DRC10: variants seen among roughly 807,000 people sequenced by gnomAD.
DRC10 encodes the protein dynein regulatory complex subunit 10.
At chr12:113,198,852 C>T in the DRC10 span, among the ~76,000 whole-genome samples, 4 of 152,000 alleles carry the variant, frequency 2.6e-5, no homozygotes, top group African/African-American at 7.2e-5. Flanking sequence ...TGGGAGGCCA[C>T]GGTGGGAATG....
the DRC10 span, among the ~76,000 whole-genome samples, chr12:113,205,631 A>T: frequency 0.1 from 15,425 of 149,934 alleles, 878 homozygotes; most frequent in East Asian, 0.21. Flanking sequence ...GGCTCATGCC[A>T]GTAATCCCAG....
chr12:113,216,073 T>C, the DRC10 span, among the ~76,000 whole-genome samples: 4 of 152,212 alleles, frequency 2.6e-5, no homozygotes, highest in African/African-American at 9.7e-5. Context: ...AAAAAGCTTA[T>C]GGATATTTAT....
At chr12:113,198,738 T>C in the DRC10 span, among the ~76,000 whole-genome samples, 1 of 152,184 alleles carries the variant, frequency 6.6e-6, no homozygotes, top group Non-Finnish European at 1.5e-5. Context: ...ATCGTGAATA[T>C]ACTAAATGCC....
chr12:113,205,725 TA>T, the DRC10 span, among the ~76,000 whole-genome samples: 1 of 144,496 alleles, frequency 6.9e-6, no homozygotes, highest in Non-Finnish European at 1.5e-5. Flanking sequence ...CCGTCTCTAC[TA>T]AAAATACAAA....
the DRC10 span, among the ~76,000 whole-genome samples, chr12:113,218,355 G>T: frequency 3.3e-5 from 5 of 151,986 alleles, no homozygotes; most frequent in African/African-American, 1.2e-4. Flanking sequence ...TGTTGGTCAG[G>T]CTGGTCTCAA....
At chr12:113,208,161 A>T in the DRC10 span, 1 of 1,611,764 alleles carries the variant, frequency 6.2e-7, no homozygotes, top group Non-Finnish European at 8.5e-7. Flanking sequence ...GAATGTCTAA[A>T]GCCATCTTGT....
the DRC10 span, chr12:113,207,835 TTCTC>T: frequency 1.2e-6 from 2 of 1,614,204 alleles, no homozygotes; most frequent in South Asian, 2.2e-5. Flanking sequence ...TTGCCTTTCT[TTCTC>T]TTTCAGGCAC....
the DRC10 span, among the ~76,000 whole-genome samples, chr12:113,197,158 G>A: frequency 6.6e-6 from 1 of 150,684 alleles, no homozygotes; most frequent in Admixed American, 6.6e-5. Context: ...ATTAGGCCCA[G>A]TGTCAGAGTG....
At chr12:113,215,486 T>A in the DRC10 span, among the ~76,000 whole-genome samples, 1 of 152,258 alleles carries the variant, frequency 6.6e-6, no homozygotes, top group Non-Finnish European at 1.5e-5. Flanking sequence ...AAAGGCTTTA[T>A]AAAAAGTCAA....
chr12:113,202,618 T>C, the DRC10 span, among the ~76,000 whole-genome samples: 186 of 152,298 alleles, frequency 1.2e-3, 1 homozygote, highest in African/African-American at 4.4e-3. Flanking sequence ...GTGTGCCACC[T>C]CCACACGTGT....
chr12:113,206,483 C>T, the DRC10 span, among the ~76,000 whole-genome samples: 2 of 152,062 alleles, frequency 1.3e-5, no homozygotes, highest in South Asian at 4.1e-4. Context: ...AGGTCCTGTT[C>T]CAGCCAATGG....
At chr12:113,200,820 C>A in the DRC10 span, 1 of 1,522,616 alleles carries the variant, frequency 6.6e-7, no homozygotes, top group Non-Finnish European at 8.8e-7. Flanking sequence ...CCACCTAAGC[C>A]AGGAAGAGAA....
the DRC10 span, among the ~76,000 whole-genome samples, chr12:113,210,612 G>GAAAAAAAAAAAAAAAA: frequency 9.3e-6 from 1 of 107,294 alleles, no homozygotes. Context: ...AAGAAAAAAA[G>GAAAAAAAAAAAAAAAA]AAAAAAAAAA....
At chr12:113,214,044 A>G in the DRC10 span, among the ~76,000 whole-genome samples, 23 of 152,190 alleles carry the variant, frequency 1.5e-4, no homozygotes, top group Non-Finnish European at 3.4e-4. Flanking sequence ...TTTTAGCCTC[A>G]GAAAGATCTC....
At chr12:113,218,617 A>AT in the DRC10 span, among the ~76,000 whole-genome samples, 1 of 150,594 alleles carries the variant, frequency 6.6e-6, no homozygotes, top group African/African-American at 2.4e-5. Context: ...TAATTTTTGT[A>AT]TTTTTTGTAG....
chr12:113,205,882 G>A, the DRC10 span, among the ~76,000 whole-genome samples: 4 of 123,482 alleles, frequency 3.2e-5, no homozygotes, highest in African/African-American at 9.5e-5. Context: ...CGGCCTGGGC[G>A]ACAGAGCGAG....
At chr12:113,212,796 A>G in the DRC10 span, among the ~76,000 whole-genome samples, 1 of 152,134 alleles carries the variant, frequency 6.6e-6, no homozygotes, top group African/African-American at 2.4e-5. Context: ...TAATATGATC[A>G]TTTCATGTCC....
At chr12:113,201,439 T>C in the DRC10 span, among the ~76,000 whole-genome samples, 1 of 152,082 alleles carries the variant, frequency 6.6e-6, no homozygotes, top group Non-Finnish European at 1.5e-5. Context: ...TACAAGCTTG[T>C]TGGATTGAGG....
the DRC10 span, chr12:113,195,815 T>C: frequency 1.9e-6 from 3 of 1,613,888 alleles, no homozygotes; most frequent in Non-Finnish European, 2.5e-6. Context: ...CCACCAGCAC[T>C]TTGTGCCTCC....
Sources: gnomAD v4.1 joint callset for allele counts (sites outside exome capture counted in the v4.1 genomes callset) on GRCh38, gnomAD v4.1.1 for gene constraint, MANE v1.5 for transcripts, NCBI Gene and HGNC (gene_info 2026-07-23, HGNC 2026-07-21) for gene names.